Variants in TMC1 observed in about 807,000 individuals in gnomAD.
TMC1 encodes the protein transmembrane channel-like protein 1.
TMC1 carries 84 observed loss-of-function variants against 105.8 expected under a neutral mutation model. That is an observed-to-expected ratio of 0.79 (90% CI 0.67 to 0.95). The LOEUF is 0.95. TMC1 is among the 40% of genes least tolerant of loss of function. The pLI, the probability that TMC1 is intolerant of heterozygous loss-of-function variation, is 0.00. For missense variants in TMC1, 817 were observed against 914.1 expected (o/e 0.89, Z 1.37); for synonymous variants, 315 against 311.5 (o/e 1.01, Z -0.12).
chr9:72,618,499 A>ATTT (rs1825184568), intron 3 of TMC1, among the ~76,000 whole-genome samples: 1 of 152,220 alleles, frequency 6.6e-6, no homozygotes, highest in African/African-American at 2.4e-5. Flanking sequence ...ATTTCAAGTG[A>ATTT]CTTTAACACA....
chr9:72,604,123 C>G (rs1564438830), intron 2 of TMC1, among the ~76,000 whole-genome samples: 1 of 152,048 alleles, frequency 6.6e-6, no homozygotes, highest in African/African-American at 2.4e-5. Flanking sequence ...AATGAGAGAA[C>G]AGGCTATCAT....
At chr9:72,659,598 C>T (rs1825940194) in intron 5 of TMC1, among the ~76,000 whole-genome samples, 1 of 152,214 alleles carries the variant, frequency 6.6e-6, no homozygotes, top group Admixed American at 6.5e-5. Context: ...TGCACCACTG[C>T]ACTCCCGCCT....
chr9:72,817,109 T>G (rs1207223715), intron 19 of TMC1: 1 of 152,160 alleles, frequency 6.6e-6, no homozygotes, highest in African/African-American at 2.4e-5. Flanking sequence ...ATTAAACCTT[T>G]GGGTGCTGAC....
At chr9:72,678,775 T>G (rs1826244432) in intron 5 of TMC1, among the ~76,000 whole-genome samples, 1 of 152,086 alleles carries the variant, frequency 6.6e-6, no homozygotes, top group Non-Finnish European at 1.5e-5. Context: ...TTCACTTTGA[T>G]GTTCTTCAGA....
chr9:72,732,617 T>C lies in TMC1; in HGVS notation c.363-7502T>C, dbSNP rs1377879838. Among the ~76,000 whole-genome samples, 3 of 151,972 alleles carry C rather than the reference T, an allele frequency of 2.0e-5. No homozygotes were observed. In the South Asian group the frequency reaches 6.2e-4, roughly 32 times the overall value. On this transcript the variant is annotated intron_variant, in intron 8 of 23. Transcript: ENST00000297784. ...CTTTGGATAATAACTAAAAGCATCA[T>C]TTACCTGGTGTGCCAGGTACTGCTT...
In TMC1 at chr9:72,659,663, A is replaced by C. The variant is rs144025020; in HGVS notation, c.16+10999A>C. Among the ~76,000 whole-genome samples the C allele has an allele frequency of 8.4e-3, 1,285 of 152,342 alleles. 5 individuals are homozygous for C. Among genetic ancestry groups the C allele is most frequent in the Non-Finnish European group, 0.013 (906 of 68,026 alleles). ...TGTGTCCAAAAACAGACAAACAAAC[A>C]AATACCATGTGGAGTTTGTTTACTC... is the stretch of plus-strand genomic sequence containing the variant. On this transcript the variant is annotated intron_variant, in intron 5 of 23. Transcript: ENST00000297784.
intron 15 of TMC1, among the ~76,000 whole-genome samples, chr9:72,790,851 C>A (rs1481708789): frequency 2.0e-5 from 3 of 151,988 alleles, no homozygotes. Context: ...GATTTGGATC[C>A]TGTTGGTCAT....
chr9:72,705,217 T>G (rs755099994), intron 8 of TMC1, among the ~76,000 whole-genome samples: 1 of 152,194 alleles, frequency 6.6e-6, no homozygotes, highest in Non-Finnish European at 1.5e-5. Context: ...TTACTTGTCT[T>G]GAAACCTAAG....
chr9:72,783,065 C>T (rs77145931), intron 13 of TMC1, among the ~76,000 whole-genome samples: 1,845 of 152,198 alleles, frequency 0.012, 16 homozygotes, highest in Non-Finnish European at 0.018. Flanking sequence ...TACAAGGCTA[C>T]AGTAACTAAA....
At chr9:72,685,869 A>G (rs1826372337) in intron 5 of TMC1, among the ~76,000 whole-genome samples, 1 of 152,222 alleles carries the variant, frequency 6.6e-6, no homozygotes, top group Admixed American at 6.5e-5. Context: ...AATGTGGGTC[A>G]GAGAAAAAGG....
In TMC1 at chr9:72,772,520, G is replaced by A; in HGVS notation, c.849G>A (p.Met283Ile). The A allele has an allele frequency of 6.2e-7, 1 of 1,613,902 alleles. No individual in the cohort carries two copies. ...TCTCCTATTTTCTAGTGGGGATTATGTGCATTGGATACAGCTTTCTGGTTG... is the reference window on the plus strand; with the variant it reads ...TCTCCTATTTTCTAGTGGGGATTATATGCATTGGATACAGCTTTCTGGTTG... ...LPLSYFLVGI[M>I]CIGYSFLVVL... is the part of the protein sequence containing the mutation. The change falls in exon 13 of 24, where the codon ATG becomes ATA. Residue 283 changes from methionine to isoleucine, a missense_variant. Coordinates refer to ENST00000297784, the MANE Select transcript of TMC1 (RefSeq NM_138691.3).
chr9:72,705,888 T>C (rs1334498212), intron 8 of TMC1, among the ~76,000 whole-genome samples: 6 of 152,194 alleles, frequency 3.9e-5, no homozygotes, highest in African/African-American at 1.4e-4. Context: ...CTGGGAGTTG[T>C]CCATTGGCTG....
At position 72,662,352 on chromosome 9, in the gene TMC1, AT is replaced by A. The variant is rs11378166; in HGVS notation, c.16+13704del. 4.9e-3 allele frequency among the ~76,000 whole-genome samples: 683 copies of A among 138,610 alleles called. 3 individuals are homozygous for A. Among genetic ancestry groups the A allele is most frequent in the African/African-American group, 9.1e-3 (342 of 37,622 alleles). The allele number at this position is 138,610 out of a possible 152,430, so 90.9% of individuals were successfully genotyped here. On this transcript the variant is annotated intron_variant, in intron 5 of 23. Transcript: ENST00000297784. ...CAGATGTGCGCCACCACACTCAGCA[AT>A]TTTTTTTTTTTTTTTGTATTTTTAG... is the stretch of plus-strand genomic sequence containing the variant.
chr9:72,593,737 A>C (rs1200975268), intron 2 of TMC1, among the ~76,000 whole-genome samples: 2 of 151,838 alleles, frequency 1.3e-5, no homozygotes, highest in Admixed American at 1.3e-4. Flanking sequence ...AAGAAGAAGA[A>C]GGAAAAGAAA....
intron 8 of TMC1, among the ~76,000 whole-genome samples, chr9:72,705,911 G>A (rs531834806): frequency 6.6e-6 from 1 of 152,172 alleles, no homozygotes; most frequent in Non-Finnish European, 1.5e-5. Context: ...TAGGCCTGGT[G>A]ATTTATTAAT....
intron 1 of TMC1, among the ~76,000 whole-genome samples, chr9:72,576,937 T>C (rs1824392573): frequency 6.6e-6 from 1 of 152,080 alleles, no homozygotes; most frequent in Admixed American, 6.6e-5. Flanking sequence ...TGCCCTGGAC[T>C]CCCAATTTCT....
intron 2 of TMC1, among the ~76,000 whole-genome samples, chr9:72,598,842 T>A (rs1481588198): frequency 1.3e-5 from 2 of 152,116 alleles, no homozygotes; most frequent in East Asian, 3.8e-4. Flanking sequence ...TCCTGTACAT[T>A]TGGGGATGTC....
rs114004735 is a variant in TMC1 at position 72,758,178 on chromosome 9, A to G, written c.741+3294A>G. Among the ~76,000 whole-genome samples the G allele has an allele frequency of 7.5e-3, 1,135 of 152,306 alleles. 12 individuals are homozygous for G. Among genetic ancestry groups the G allele is most frequent in the African/African-American group, 0.026 (1,078 of 41,574 alleles). ...TTTGTCTTTTGTTTTGGCAATGATT[A>G]TATTCTAAATTCAGCAGGAAAGATA... On this transcript the variant is annotated intron_variant, in intron 12 of 23. Transcript: ENST00000297784.
intron 2 of TMC1, among the ~76,000 whole-genome samples, chr9:72,599,187 C>T (rs1824767084): frequency 1.3e-5 from 2 of 152,258 alleles, no homozygotes; most frequent in South Asian, 2.1e-4. Context: ...TGTGCCAGCA[C>T]ACCCAGCTAA....
Sources: gnomAD v4.1 joint callset for allele counts (sites outside exome capture counted in the v4.1 genomes callset) on GRCh38, gnomAD v4.1.1 for gene constraint, MANE v1.5 for transcripts, NCBI Gene and HGNC (gene_info 2026-07-23, HGNC 2026-07-21) for gene names.